Variants in GAREM1 observed in about 807,000 individuals in gnomAD.
The protein encoded by GAREM1 is GRB2-associated and regulator of MAPK protein 1.
In GAREM1, 26 loss-of-function variants were observed where a neutral mutation model predicts 71.3. That is an observed-to-expected ratio of 0.36 (90% CI 0.27 to 0.51). GAREM1 has a LOEUF of 0.51. Ranked by LOEUF, GAREM1 falls within the 20% of genes least tolerant of loss-of-function variation. The pLI is 0.95. For synonymous variants in GAREM1, 440 were observed against 433.2 expected, an observed-to-expected ratio of 1.02 and a Z score of -0.20; for missense variants, 1,026 against 1,103.1, an observed-to-expected ratio of 0.93 and a Z score of 0.99.
At chr18:32,424,011 C>T (rs2048547971) in intron 1 of GAREM1, among the ~76,000 whole-genome samples, 1 of 151,964 alleles carries the variant, frequency 6.6e-6, no homozygotes, top group Admixed American at 6.6e-5. Context: ...TGGTACATGC[C>T]TGTAGTCCCA....
chr18:32,369,401 T>C (rs944181234), intron 2 of GAREM1, among the ~76,000 whole-genome samples: 1 of 152,200 alleles, frequency 6.6e-6, no homozygotes, highest in African/African-American at 2.4e-5. Context: ...ACAGACTTTG[T>C]TGGTAATGTC....
At chr18:32,457,206 GGAGAGAGA>G (rs143878009) in intron 1 of GAREM1, among the ~76,000 whole-genome samples, 15 of 101,772 alleles carry the variant, frequency 1.5e-4, no homozygotes, top group African/African-American at 5.7e-4. Context: ...GTGTAGGGGG[GGAGAGAGA>G]GAGAGAGAGA....
At chr18:32,290,641 T>TG (rs1264337690) in intron 3 of GAREM1, among the ~76,000 whole-genome samples, 3 of 101,132 alleles carry the variant, frequency 3.0e-5, no homozygotes, top group African/African-American at 1.7e-4. Flanking sequence ...ACAGACTGTC[T>TG]GAAAAAAAAA....
Position 32,287,063 on chromosome 18 carries a change from G to A in GAREM1, c.1534C>T (p.Pro512Ser). Reference protein sequence around the residue: ...AAVKSSDTALPPPPVPPKSEA... With the variant: ...AAVKSSDTALSPPPVPPKSEA... The stretch of plus-strand genomic sequence containing the variant: ...GATTTGGGAGGCACTGGAGGTGGAG[G>A]TAGGGCAGTATCTGAAGACTTCACT... Residue 512 changes from proline (P) to serine (S), a missense_variant, in exon 4 of 6, where the codon CCT (proline) becomes TCT (serine). By Grantham distance (74) the Pro-to-Ser change is moderately conservative (BLOSUM62 -1). Transcript: ENST00000269209. This position sits in a 1 kb window ranked among gnomAD's most constrained non-coding sequence, Gnocchi z 5.9. The A allele has an allele frequency of 6.2e-7, 1 of 1,614,052 alleles. No individual in the cohort carries two copies.
Position 32,442,552 on chromosome 18 carries a change from A to T in GAREM1, c.121+27756T>A, listed in dbSNP as rs552061033. Among the ~76,000 whole-genome samples the T allele has an allele frequency of 2.0e-5, 3 of 152,350 alleles. No individual in the cohort carries two copies. The East Asian group carries it at 5.8e-4, about 29-fold the overall frequency. ...TTGTTTTAATAAAAAATTTAAAAGAAGATGACTTTATAATAAAACTTTATA... is the reference window on the plus strand; with the variant it reads ...TTGTTTTAATAAAAAATTTAAAAGATGATGACTTTATAATAAAACTTTATA... On this transcript the variant is annotated intron_variant, in intron 1 of 5. Coordinates refer to ENST00000269209, the MANE Select transcript of GAREM1 (RefSeq NM_001242409.2).
At position 32,317,393 on chromosome 18, in the gene GAREM1, C is replaced by CAA. The variant is rs35166372; in HGVS notation, c.263-7072_263-7071dup. Among the ~76,000 whole-genome samples, 626 of 72,402 alleles carry CAA rather than the reference C, an allele frequency of 8.6e-3. 12 individuals are homozygous for CAA. Among genetic ancestry groups the CAA allele is most frequent in the African/African-American group, 0.026 (541 of 21,194 alleles). The allele number at this position is 72,402 out of a possible 152,430, so 47.5% of individuals were successfully genotyped here. A position where few individuals can be genotyped will look rare whatever the true frequency, so the allele number is the denominator to read the frequency against. On this transcript the variant is annotated intron_variant, in intron 2 of 5. Coordinates refer to ENST00000269209, the MANE Select transcript of GAREM1 (RefSeq NM_001242409.2). The stretch of plus-strand genomic sequence containing the variant: ...GCATTCCAGTGAGAGCGCTCTGTCA[C>CAA]AAAAAAAAAAAAAAAAAAAGCAAAG...
At chr18:32,426,553 T>C (rs151274760) in intron 1 of GAREM1, among the ~76,000 whole-genome samples, 2 of 152,358 alleles carry the variant, frequency 1.3e-5, no homozygotes, top group Non-Finnish European at 2.9e-5. Context: ...TTCTACTTCA[T>C]GTATTTGAAT....
intron 4 of GAREM1, among the ~76,000 whole-genome samples, chr18:32,283,702 T>A (rs2046978360): frequency 6.6e-6 from 1 of 152,114 alleles, no homozygotes; most frequent in Non-Finnish European, 1.5e-5. Flanking sequence ...ATTAACAAAA[T>A]ACATGAATGG....
intron 1 of GAREM1, chr18:32,412,304 A>G (rs1599029608): frequency 1.3e-6 from 2 of 1,592,162 alleles, no homozygotes; most frequent in Non-Finnish European, 1.7e-6. Flanking sequence ...ACTGGCCTCC[A>G]CCGCCATAGG....
chr18:32,290,055 C>T (rs566308058), intron 3 of GAREM1, among the ~76,000 whole-genome samples: 1 of 151,726 alleles, frequency 6.6e-6, no homozygotes, highest in East Asian at 1.9e-4. Flanking sequence ...CCTTTCATCA[C>T]TAATTTGCAG....
chr18:32,353,817 G>C (rs2047777333), intron 2 of GAREM1, among the ~76,000 whole-genome samples: 1 of 152,120 alleles, frequency 6.6e-6, no homozygotes, highest in Non-Finnish European at 1.5e-5. Flanking sequence ...AGAATTGATA[G>C]AAATCTGGGG....
At chr18:32,416,109 C>T (rs565871995) in intron 1 of GAREM1, among the ~76,000 whole-genome samples, 6 of 151,828 alleles carry the variant, frequency 4.0e-5, no homozygotes, top group South Asian at 2.1e-4. Context: ...ATCAAAAAAG[C>T]GATCACTTAC....
At chr18:32,319,010 G>A (rs535849154) in intron 2 of GAREM1, among the ~76,000 whole-genome samples, 1 of 152,218 alleles carries the variant, frequency 6.6e-6, no homozygotes, top group East Asian at 1.9e-4. Flanking sequence ...TGAAGGGGAG[G>A]GTCCAGGTCT....
chr18:32,366,687 C>T (rs1277626591), intron 2 of GAREM1, among the ~76,000 whole-genome samples: 2 of 152,176 alleles, frequency 1.3e-5, no homozygotes, highest in Non-Finnish European at 2.9e-5. Flanking sequence ...TGGTTAAAAT[C>T]ATTAACTTAA....
chr18:32,446,647 A>G (rs2048788695), intron 1 of GAREM1, among the ~76,000 whole-genome samples: 1 of 152,222 alleles, frequency 6.6e-6, no homozygotes, highest in African/African-American at 2.4e-5. Context: ...TCCAAAGCAA[A>G]CAAAAAACAG....
rs1414314655 is a variant in GAREM1 at position 32,364,020 on chromosome 18, A to T, written c.262+28875T>A. ...CATATATATATATATATATATATAT[A>T]TATATATGTTTTTTTTTTTTTTTTT... On this transcript the variant is annotated intron_variant, in intron 2 of 5. Transcript: ENST00000269209. Among the ~76,000 whole-genome samples, 269 of 49,490 alleles carry T rather than the reference A, an allele frequency of 5.4e-3. 10 individuals are homozygous for T. Among genetic ancestry groups the T allele is most frequent in the African/African-American group, 0.027 (177 of 6,484 alleles). 32.5% of individuals were successfully genotyped at this position (49,490 alleles called of 152,430 possible). A position where few individuals can be genotyped will look rare whatever the true frequency, so the allele number is the denominator to read the frequency against.
At chr18:32,280,955 G>T (rs1337732630) in intron 4 of GAREM1, among the ~76,000 whole-genome samples, 1 of 152,176 alleles carries the variant, frequency 6.6e-6, no homozygotes, top group East Asian at 1.9e-4. Context: ...AGGAAAGACA[G>T]TGGGAAAAAA....
At chr18:32,431,023 G>C (rs7228553) in intron 1 of GAREM1, among the ~76,000 whole-genome samples, 1 of 151,896 alleles carries the variant, frequency 6.6e-6, no homozygotes, top group African/African-American at 2.4e-5. Context: ...TCCCTTTGTA[G>C]GAAAGCTTTG....
At chr18:32,300,906 CAAAAAAA>C (rs764891353) in intron 3 of GAREM1, among the ~76,000 whole-genome samples, 27 of 83,344 alleles carry the variant, frequency 3.2e-4, no homozygotes, top group African/African-American at 9.6e-4. Flanking sequence ...AACTCCGTCT[CAAAAAAA>C]AAAAAAAAAA....
Sources: gnomAD v4.1 joint callset for allele counts (sites outside exome capture counted in the v4.1 genomes callset) on GRCh38, gnomAD v4.1.1 for gene constraint, Gnocchi (gnomAD v3.1) non-coding constraint, MANE v1.5 for transcripts, NCBI Gene and HGNC (gene_info 2026-07-23, HGNC 2026-07-21) for gene names.